The following MIOS variants were observed in gnomAD, a reference collection of about 807,000 sequenced individuals.
MIOS encodes GATOR2 complex protein MIOS.
In MIOS, 52 loss-of-function variants were observed where a neutral mutation model predicts 96.9. The ratio of observed to expected loss-of-function variants is 0.54; its 90% CI spans 0.43 to 0.68. MIOS has a LOEUF of 0.68. MIOS is among the 30% of genes least tolerant of loss of function. The probability of loss-of-function intolerance (pLI) is 0.00; values close to 1 mark genes in which losing one functional copy is unlikely to be tolerated. For synonymous variants in MIOS, 397 were observed against 359.5 expected (o/e 1.10, Z -1.18); for missense variants, 1,005 against 1,052.8 (o/e 0.95, Z 0.63).
intron 11 of MIOS, among the ~76,000 whole-genome samples, chr7:7,600,479 C>T (rs144395199): frequency 0.012 from 1,854 of 152,264 alleles, 26 homozygotes; most frequent in South Asian, 0.041. Flanking sequence ...AAGGCCATTA[C>T]ATAATGGTAA....
Position 7,582,842 on chromosome 7 carries a change from T to C in MIOS, c.1394-276T>C, listed in dbSNP as rs182126336. The C allele has an allele frequency of 6.6e-5, 21 of 316,266 alleles. 1 individual carries two copies. In the East Asian group the frequency reaches 1.4e-3, roughly 21 times the overall value. 19.6% of individuals were successfully genotyped at this position (316,266 alleles called of 1,614,324 possible). On this transcript the variant is annotated intron_variant, in intron 5 of 12. Coordinates refer to ENST00000340080, the MANE Select transcript of MIOS (RefSeq NM_019005.4). The stretch of plus-strand genomic sequence containing the variant: ...GTGGTGAGTTAGATAATAACAAGTA[T>C]GTCTATTTTAGATTAGGTGGCCAGG...
In MIOS at chr7:7,596,493, A is replaced by C. The variant is rs1368788166; in HGVS notation, c.2401+32A>C. 11 of 1,556,246 alleles carry C rather than the reference A, an allele frequency of 7.1e-6. No individual in the cohort carries two copies. The South Asian group carries it at 1.1e-4, about 16-fold the overall frequency. ...CATAATTTTACAAAATACTTTTATG[A>C]ACTGAAATGATTCTTACATAATTGA... On this transcript the variant is annotated intron_variant, in intron 11 of 12. Coordinates refer to ENST00000340080, the MANE Select transcript of MIOS (RefSeq NM_019005.4).
intron 10 of MIOS, 106 bp downstream of exon 10, chr7:7,595,238 C>CT (rs1253794229): frequency 1.9e-5 from 24 of 1,241,288 alleles, no homozygotes; most frequent in Admixed American, 4.9e-5. Flanking sequence ...CCATTGATGT[C>CT]TTTGTCTTTT....
At chr7:7,587,261 C>A (rs917169130) in intron 7 of MIOS, among the ~76,000 whole-genome samples, 1 of 152,022 alleles carries the variant, frequency 6.6e-6, no homozygotes, top group South Asian at 2.1e-4. Flanking sequence ...CTTGAATGAT[C>A]CACCTGACTT....
chr7:7,587,003 T>G (rs768050247), intron 7 of MIOS, among the ~76,000 whole-genome samples: 5,553 of 138,992 alleles, frequency 0.04, 288 homozygotes, highest in African/African-American at 0.13. Context: ...TTTTTTTTTT[T>G]TTTTTGTTGT....
In MIOS at chr7:7,572,035, G is replaced by T. The variant is rs975587016; in HGVS notation, c.-40-401G>T. Among the ~76,000 whole-genome samples the T allele has an allele frequency of 6.6e-6, 1 of 152,224 alleles. No homozygotes were observed. The highest frequency in any genetic ancestry group is 2.4e-5 in the African/African-American group (1 of 41,462). Reference sequence around the variant, plus strand: ...TCATTGCAGAAAGTTTTATTGGGCAGTGCTGCTTTAAACTATTGCTTAGGA... The same window carrying T: ...TCATTGCAGAAAGTTTTATTGGGCATTGCTGCTTTAAACTATTGCTTAGGA... On this transcript the variant is annotated intron_variant, in intron 3 of 12. Coordinates refer to ENST00000340080, the MANE Select transcript of MIOS (RefSeq NM_019005.4). The surrounding 1 kb of genome is among the most constrained non-coding windows in gnomAD (Gnocchi z 4.8).
At position 7,607,116 on chromosome 7, in the gene MIOS, C is replaced by A. The variant is rs752373481; in HGVS notation, c.*24C>A. 3 of 1,576,874 alleles carry A rather than the reference C, an allele frequency of 1.9e-6. No homozygotes were observed. Among genetic ancestry groups the A allele is most frequent in the Non-Finnish European group, 2.6e-6 (3 of 1,156,272 alleles). ...AAAATGTTACCACCTTAAGAGAACC[C>A]TTCAAGTGTGGAGCTTTCTAGTAGG... On this transcript the variant is annotated 3_prime_UTR_variant, in exon 13 of 13. Transcript: ENST00000340080.
chr7:7,606,366 C>G (rs1784531309), intron 12 of MIOS, among the ~76,000 whole-genome samples: 1 of 152,132 alleles, frequency 6.6e-6, no homozygotes. Flanking sequence ...AGTTTTTACA[C>G]TGAATATTCT....
chr7:7,603,383 C>T (rs1287620725), intron 11 of MIOS, among the ~76,000 whole-genome samples: 2 of 152,042 alleles, frequency 1.3e-5, no homozygotes, highest in Non-Finnish European at 2.9e-5. Flanking sequence ...AAAACAACCC[C>T]ATCAAAAACT....
Position 7,589,424 on chromosome 7 carries a change from A to G in MIOS, c.1904A>G (p.Lys635Arg). The G allele has an allele frequency of 7.4e-6, 12 of 1,613,542 alleles. No homozygotes were observed. Among genetic ancestry groups the G allele is most frequent in the Non-Finnish European group, 1.0e-5 (12 of 1,179,618 alleles). Residue 635 changes from lysine (K) to arginine (R), a missense_variant, in exon 9 of 13, where the codon AAG becomes AGG. Physicochemically the swap from Lys to Arg is conservative, Grantham distance 26. Around this residue, in one of 3 missense-constraint regions of MIOS, gnomAD observed 865 missense variants for 887.9 expected, o/e 0.97. Coordinates refer to ENST00000340080, the MANE Select transcript of MIOS (RefSeq NM_019005.4). ...SDTQLNRYIE[K>R]LTNEMKEAGN... ...TTCCAGTTAAATAGATACATCGAAAAGTTGACCAATGAAATGAAAGAGGCT... is the reference window on the plus strand; with the variant it reads ...TTCCAGTTAAATAGATACATCGAAAGGTTGACCAATGAAATGAAAGAGGCT...
In MIOS at chr7:7,608,818, A is replaced by G. The variant is rs921933054; in HGVS notation, c.*1726A>G. On this transcript the variant is annotated 3_prime_UTR_variant, in exon 13 of 13. Transcript: ENST00000340080. The stretch of plus-strand genomic sequence containing the variant: ...AAGTTTTGGAAATACAGTATAAAAC[A>G]TGAATGTAAAGTCTATTATGTAATA... 2 of 152,076 alleles carry G rather than the reference A, an allele frequency of 1.3e-5. No individual in the cohort carries two copies. Among genetic ancestry groups the G allele is most frequent in the African/African-American group, 4.8e-5 (2 of 41,448 alleles). 9.4% of individuals were successfully genotyped at this position (152,076 alleles called of 1,614,324 possible).
rs147220455 is a variant in MIOS at position 7,598,608 on chromosome 7, G to A, written c.2401+2147G>A. On this transcript the variant is annotated intron_variant, in intron 11 of 12. Transcript: ENST00000340080. ...TCGAGGTAAAATATAGCATAAATAAGACATATATGTGTATGAACTGAGATA... is the reference window on the plus strand; with the variant it reads ...TCGAGGTAAAATATAGCATAAATAAAACATATATGTGTATGAACTGAGATA... 1.4e-3 allele frequency among the ~76,000 whole-genome samples: 211 copies of A among 148,850 alleles called. 1 individual carries two copies. The highest frequency in any genetic ancestry group is 5.3e-3 in the African/African-American group (205 of 38,466).
rs201044877 is a variant in MIOS, at chr7:7,583,209, G to C, written c.1485G>C (p.Gln495His). 3.3e-5 allele frequency: 53 copies of C among 1,614,146 alleles called. No homozygotes were observed. In the East Asian group the frequency reaches 1.2e-3, roughly 36 times the overall value. The change falls in exon 6 of 13, where the codon CAG becomes CAC. Residue 495 changes from glutamine (Q) to histidine (H), a missense_variant. Gln to His is a conservative substitution (Grantham distance 24). This residue lies in a region of MIOS where 865 missense variants were observed against 887.9 expected (regional missense o/e 0.97). Coordinates refer to ENST00000340080, the MANE Select transcript of MIOS (RefSeq NM_019005.4). The part of the protein sequence containing the change: ...NLNEERILAL[Q>H]LCGWIKKGTD... ...ATGAAGAGAGAATCTTAGCTTTACA[G>C]CTTTGTGGGTGGATAAAGAAAGGAA...
intron 11 of MIOS, among the ~76,000 whole-genome samples, chr7:7,603,919 G>A (rs1482685016): frequency 7.9e-5 from 12 of 152,022 alleles, no homozygotes; most frequent in Non-Finnish European, 1.6e-4. Flanking sequence ...GTAGGGACAT[G>A]GATGAAGCTG....
Position 7,573,679 on chromosome 7 carries a change from T to G in MIOS, c.1204T>G (p.Tyr402Asp). ...TKMRLRALSR[Y>D]GLDTEQVWRN... ...GATGCGTCTTCGGGCTTTATCAAGGTATGGACTTGATACAGAGCAGGTGTG... is the reference window on the plus strand; with the variant it reads ...GATGCGTCTTCGGGCTTTATCAAGGGATGGACTTGATACAGAGCAGGTGTG... The change falls in exon 4 of 13, where the codon TAT (tyrosine) becomes GAT (aspartate). Residue 402 changes from tyrosine to aspartate, a missense_variant. Physicochemically the swap from Tyr to Asp is radical, Grantham distance 160. Transcript: ENST00000340080. This position sits in a 1 kb window ranked among gnomAD's most constrained non-coding sequence, Gnocchi z 5.0. 6.2e-7 allele frequency: 1 copy of G among 1,613,854 alleles called. No individual in the cohort carries two copies. The highest frequency in any genetic ancestry group is 8.5e-7 in the Non-Finnish European group (1 of 1,179,868).
chr7:7,598,352 A>G (rs1326630976), intron 11 of MIOS, among the ~76,000 whole-genome samples: 1 of 152,148 alleles, frequency 6.6e-6, no homozygotes, highest in Non-Finnish European at 1.5e-5. Context: ...TTACATTAAC[A>G]TTTATGAAAG....
At chr7:7,568,682 C>T (rs1477006294) in intron 3 of MIOS, among the ~76,000 whole-genome samples, 2 of 152,168 alleles carry the variant, frequency 1.3e-5, no homozygotes, top group African/African-American at 4.8e-5. Flanking sequence ...TATTTTGCAC[C>T]ACGTCCTGCA....
At chr7:7,605,838 T>C in intron 11 of MIOS, 104 bp from the exon 12 acceptor site, 1 of 1,135,874 alleles carries the variant, frequency 8.8e-7, no homozygotes, top group East Asian at 2.6e-5. Context: ...TTCAATATGA[T>C]GTGTGATTCA....
intron 5 of MIOS, among the ~76,000 whole-genome samples, chr7:7,582,308 T>C (rs1783756732): frequency 6.6e-6 from 1 of 152,228 alleles, no homozygotes; most frequent in Non-Finnish European, 1.5e-5. Context: ...ATGACAATTT[T>C]GGTGGTAAAA....
Sources: allele counts gnomAD v4.1 joint callset (sites outside exome capture counted in the v4.1 genomes callset), GRCh38; gene constraint gnomAD v4.1.1; regional missense constraint gnomAD v4.1.1; non-coding constraint Gnocchi (gnomAD v3.1); transcripts MANE v1.5; gene names NCBI Gene and HGNC (gene_info 2026-07-23, HGNC 2026-07-21).